The following DCLK1 variants were observed in gnomAD, a reference collection of about 807,000 sequenced individuals.
DCLK1 encodes serine/threonine-protein kinase DCLK1.
DCLK1 carries 16 observed loss-of-function variants against 86.2 expected under a neutral mutation model. The ratio of observed to expected loss-of-function variants is 0.19; its 90% CI spans 0.13 to 0.28. The LOEUF (loss-of-function observed/expected upper bound fraction) is 0.28. DCLK1 is among the 10% of genes least tolerant of loss of function. The probability of loss-of-function intolerance (pLI) is 1.00; values close to 1 mark genes in which losing one functional copy is unlikely to be tolerated. For synonymous variants in DCLK1, 369 were observed against 370.5 expected, an observed-to-expected ratio of 1.00 and a Z score of 0.05; for missense variants, 590 against 940.2, an observed-to-expected ratio of 0.63 and a Z score of 4.87.
intron 16 of DCLK1, chr13:35,788,338 T>G: frequency 6.5e-7 from 1 of 1,539,428 alleles, no homozygotes; most frequent in Non-Finnish European, 9.0e-7. Flanking sequence ...GCTAAAGAAT[T>G]AAGACTCCAG....
At chr13:35,847,193 C>T in intron 6 of DCLK1, 1 of 979,056 alleles carries the variant, frequency 1.0e-6, no homozygotes, top group Non-Finnish European at 1.2e-6. Flanking sequence ...TTGGATTTAG[C>T]TGAATTTCAA....
rs1868647522 is a variant in DCLK1 at position 35,828,230 on chromosome 13, A to G, written c.1287+20T>C. 2 of 1,602,224 alleles carry G rather than the reference A, an allele frequency of 1.2e-6. No homozygotes were observed. Among genetic ancestry groups the G allele is most frequent in the East Asian group, 2.2e-5 (1 of 44,758 alleles). On this transcript the variant is annotated intron_variant, in intron 9 of 16. Coordinates refer to ENST00000360631, the MANE Select transcript of DCLK1 (RefSeq NM_001330071.2). ...ACCTCTTGAACACTCTTATCTCATA[A>G]GAACAAATTTTATACATACTTTGCC...
Position 36,126,114 on chromosome 13 carries a change from C to T in DCLK1, c.24G>A (p.Glu8=), listed in dbSNP as rs1461342938. Residue 8 remains glutamate (E), a synonymous_variant, in exon 2 of 17, where the codon GAG becomes GAA. Transcript: ENST00000360631. MSFGRDM[E]LEHFDERDKA... is the part of the protein sequence containing the mutation. ...TATCCCGCTCGTCGAAGTGCTCCAG[C>T]TCCATGTCTCTGCCGAAGGACATGA... The T allele has an allele frequency of 6.3e-7, 1 of 1,598,888 alleles. No individual in the cohort carries two copies. The highest frequency in any genetic ancestry group is 8.5e-7 in the Non-Finnish European group (1 of 1,172,762).
At chr13:35,818,652 G>A (rs893862919) in intron 11 of DCLK1, among the ~76,000 whole-genome samples, 5 of 152,256 alleles carry the variant, frequency 3.3e-5, no homozygotes, top group African/African-American at 1.2e-4. Flanking sequence ...CTTTTCATAA[G>A]GAGGAGGCAT....
chr13:35,995,112 T>C (rs184898775), intron 3 of DCLK1, among the ~76,000 whole-genome samples: 1 of 152,342 alleles, frequency 6.6e-6, no homozygotes, highest in East Asian at 1.9e-4. Flanking sequence ...GGTAGCTTTG[T>C]AGTGGTGGAG....
At chr13:35,955,656 G>T (rs1035209400) in intron 3 of DCLK1, among the ~76,000 whole-genome samples, 1 of 152,154 alleles carries the variant, frequency 6.6e-6, no homozygotes, top group Middle Eastern at 3.2e-3. Context: ...CCTAATAGAT[G>T]TGTGACTTTG....
chr13:35,850,343 C>T, intron 6 of DCLK1: 1 of 991,652 alleles, frequency 1.0e-6, no homozygotes, highest in South Asian at 4.7e-5. Flanking sequence ...ATCTCTATGT[C>T]TACTTATAAT....
In DCLK1 at chr13:36,117,634, C is replaced by G. The variant is rs1442560571; in HGVS notation, c.377-5419G>C. 2.0e-5 allele frequency among the ~76,000 whole-genome samples: 3 copies of G among 152,042 alleles called. 1 individual carries two copies. Among genetic ancestry groups the G allele is most frequent in the Non-Finnish European group, 4.4e-5 (3 of 67,998 alleles). On this transcript the variant is annotated intron_variant, in intron 2 of 16. Transcript: ENST00000360631. ...ATTGCTAAAAAATTTTGCATAATAA[C>G]AAAACAACAAATAACAAAACTGTGA...
chr13:35,992,497 G>A (rs1880281789), intron 3 of DCLK1, among the ~76,000 whole-genome samples: 2 of 151,598 alleles, frequency 1.3e-5, no homozygotes, highest in African/African-American at 2.4e-5. Flanking sequence ...GTGAAACAAA[G>A]GGTTATACAG....
At chr13:35,946,220 T>C (rs1033266944) in intron 4 of DCLK1, among the ~76,000 whole-genome samples, 11 of 152,102 alleles carry the variant, frequency 7.2e-5, no homozygotes. Flanking sequence ...CCCAGGCTAG[T>C]CTCAAACTCC....
chr13:35,926,040 A>G (rs1169717225), intron 4 of DCLK1, among the ~76,000 whole-genome samples: 1 of 151,754 alleles, frequency 6.6e-6, no homozygotes, highest in African/African-American at 2.4e-5. Context: ...GAAGGGAAGA[A>G]ATATTTGCAA....
intron 3 of DCLK1, among the ~76,000 whole-genome samples, chr13:35,957,574 C>A (rs1878059389): frequency 6.6e-6 from 1 of 152,114 alleles, no homozygotes; most frequent in Admixed American, 6.5e-5. Context: ...AAAGTATTGG[C>A]ATATATTTGA....
At chr13:36,000,830 A>G (rs1362366629) in intron 3 of DCLK1, among the ~76,000 whole-genome samples, 1 of 152,230 alleles carries the variant, frequency 6.6e-6, no homozygotes, top group East Asian at 1.9e-4. Context: ...CATAGGTGAC[A>G]TTCAATAAAT....
intron 3 of DCLK1, among the ~76,000 whole-genome samples, chr13:36,074,144 C>G (rs1451099188): frequency 6.6e-6 from 1 of 152,056 alleles, no homozygotes; most frequent in African/African-American, 2.4e-5. Context: ...CAAGGATGAA[C>G]AATTCTTAGC....
chr13:35,792,130 G>A (rs2086717402), intron 16 of DCLK1, among the ~76,000 whole-genome samples: 1 of 152,190 alleles, frequency 6.6e-6, no homozygotes. Context: ...AACTTCAGCG[G>A]CACTGAGGAA....
chr13:35,894,613 G>C (rs1485971807), intron 4 of DCLK1, among the ~76,000 whole-genome samples: 1 of 152,214 alleles, frequency 6.6e-6, no homozygotes, highest in African/African-American at 2.4e-5. Context: ...ACAAGGCACA[G>C]AGGTGCCCAG....
Position 36,070,728 on chromosome 13 carries a change from G to A in DCLK1, c.723+41141C>T, listed in dbSNP as rs966703269. Reference sequence around the variant, plus strand: ...GCAATCTCGGCTCACTGCAACCTCCGCCTCCTGGGTTCAAGCGATTCTCTT... The same window carrying A: ...GCAATCTCGGCTCACTGCAACCTCCACCTCCTGGGTTCAAGCGATTCTCTT... On this transcript the variant is annotated intron_variant, in intron 3 of 16. Coordinates refer to ENST00000360631, the MANE Select transcript of DCLK1 (RefSeq NM_001330071.2). 5.3e-5 allele frequency among the ~76,000 whole-genome samples: 8 copies of A among 151,738 alleles called. No homozygotes were observed. In the East Asian group the frequency reaches 1.2e-3, roughly 22 times the overall value.
rs144844738 is a variant in DCLK1, at chr13:36,027,879, A to C, written c.724-80422T>G. ...TCCCAAGTAGTGGGACTATAGGTGC[A>C]TGGCACCACACCTGGCTAATTTTTG... On this transcript the variant is annotated intron_variant, in intron 3 of 16. Transcript: ENST00000360631. Among the ~76,000 whole-genome samples, 153 of 152,150 alleles carry C rather than the reference A, an allele frequency of 1.0e-3. 2 individuals carry two copies. In the East Asian group the frequency reaches 0.026, roughly 25 times the overall value.
At chr13:35,976,570 G>A (rs1489676980) in intron 3 of DCLK1, among the ~76,000 whole-genome samples, 1 of 81,038 alleles carries the variant, frequency 1.2e-5, no homozygotes, top group Non-Finnish European at 2.5e-5. Context: ...TCGCTCTGTC[G>A]CCCAGGCTGG....
Sources: gnomAD v4.1 joint callset for allele counts (sites outside exome capture counted in the v4.1 genomes callset) on GRCh38, gnomAD v4.1.1 for gene constraint, MANE v1.5 for transcripts, NCBI Gene and HGNC (gene_info 2026-07-23, HGNC 2026-07-21) for gene names.